PTPRD: variants seen among roughly 807,000 people sequenced by gnomAD.
The protein encoded by PTPRD is receptor-type tyrosine-protein phosphatase delta.
In PTPRD, 34 loss-of-function variants were observed where a neutral mutation model predicts 214.5. That is an observed-to-expected ratio of 0.16 (90% CI 0.12 to 0.21). The LOEUF (loss-of-function observed/expected upper bound fraction) is 0.21. Ranked by LOEUF, PTPRD falls within the 10% of genes least tolerant of loss-of-function variation. The pLI is 1.00. For missense variants in PTPRD, 2,545 were observed against 2,398.7 expected (o/e 1.06, Z -1.27); for synonymous variants, 1,128 against 845.7 (o/e 1.33, Z -5.79).
chr9:8,333,868 AG>A (rs1261048389), intron 43 of PTPRD, among the ~76,000 whole-genome samples: 49 of 152,150 alleles, frequency 3.2e-4, no homozygotes, highest in Admixed American at 3.2e-3. Context: ...AAAAAAGAGC[AG>A]GGGTTGCAAT....
rs534645367 is a variant in PTPRD at position 9,046,911 on chromosome 9, T to C, written c.-142-28176A>G. Among the ~76,000 whole-genome samples the C allele has an allele frequency of 1.4e-3, 210 of 152,276 alleles. 2 individuals are homozygous for C. Among genetic ancestry groups the C allele is most frequent in the African/African-American group, 5.0e-3 (207 of 41,578 alleles). ...TTACTCAACATAGCACTGGAAGTCT[T>C]AGCTAGAGCAATCAGACAAGAGAAA... On this transcript the variant is annotated intron_variant, in intron 10 of 45. Transcript: ENST00000381196.
chr9:10,196,547 GC>G (rs1200016204), intron 3 of PTPRD, among the ~76,000 whole-genome samples: 1 of 151,958 alleles, frequency 6.6e-6, no homozygotes, highest in Non-Finnish European at 1.5e-5. Flanking sequence ...AGAAAAGACA[GC>G]AAATGCTAAT....
rs572794507 is a variant in PTPRD, at chr9:9,513,410, G to T, written c.-237+61322C>A. 4.0e-5 allele frequency among the ~76,000 whole-genome samples: 6 copies of T among 151,722 alleles called. No homozygotes were observed. The South Asian group carries it at 1.0e-3, about 26-fold the overall frequency. Reference sequence around the variant, plus strand: ...ACTCAAACTATTTCAAAGAGAAAGGGGATGTTTTTACTCATGTGTATTTAA... The same window carrying T: ...ACTCAAACTATTTCAAAGAGAAAGGTGATGTTTTTACTCATGTGTATTTAA... On this transcript the variant is annotated intron_variant, in intron 8 of 45. Coordinates refer to ENST00000381196, the MANE Select transcript of PTPRD (RefSeq NM_002839.4).
At chr9:8,537,814 A>G (rs2077325247) in intron 14 of PTPRD, among the ~76,000 whole-genome samples, 1 of 152,054 alleles carries the variant, frequency 6.6e-6, no homozygotes, top group Non-Finnish European at 1.5e-5. Context: ...ATCATCCTAC[A>G]AATTACAAAG....
chr9:8,513,430 T>C (rs1478769582), intron 21 of PTPRD, among the ~76,000 whole-genome samples: 1 of 152,060 alleles, frequency 6.6e-6, no homozygotes, highest in African/African-American at 2.4e-5. Context: ...ACTGTTCTTT[T>C]GGAATCCGGT....
chr9:8,649,462 G>T (rs573800681), intron 12 of PTPRD, among the ~76,000 whole-genome samples: 2 of 152,324 alleles, frequency 1.3e-5, no homozygotes, highest in African/African-American at 4.8e-5. Flanking sequence ...GATACTTTGG[G>T]AAGTGAAAGT....
At chr9:10,288,889 A>T (rs2095443834) in intron 3 of PTPRD, among the ~76,000 whole-genome samples, 1 of 152,130 alleles carries the variant, frequency 6.6e-6, no homozygotes, top group East Asian at 1.9e-4. Flanking sequence ...ATTAGAGAGG[A>T]GTCTAACCTT....
At chr9:8,846,760 T>G (rs1318432795) in intron 11 of PTPRD, among the ~76,000 whole-genome samples, 1 of 152,026 alleles carries the variant, frequency 6.6e-6, no homozygotes, top group African/African-American at 2.4e-5. Flanking sequence ...AGAAAATGAA[T>G]ATGAGTATGG....
chr9:8,807,966 C>T (rs1444374750), intron 11 of PTPRD, among the ~76,000 whole-genome samples: 1 of 152,148 alleles, frequency 6.6e-6, no homozygotes, highest in Admixed American at 6.5e-5. Flanking sequence ...TTAAGTTCTA[C>T]ATAAATTAGA....
chr9:9,042,784 G>C (rs1310316945), intron 10 of PTPRD, among the ~76,000 whole-genome samples: 1 of 151,982 alleles, frequency 6.6e-6, no homozygotes, highest in African/African-American at 2.4e-5. Context: ...TCCTTTGTAA[G>C]TAGGGCACAG....
chr9:10,372,275 T>C (rs10809079), intron 2 of PTPRD, among the ~76,000 whole-genome samples: 17,364 of 152,152 alleles, frequency 0.11, 1,910 homozygotes, highest in East Asian at 0.57. Flanking sequence ...TGATAAATTA[T>C]TCATATCAAT....
chr9:9,109,967 G>C (rs2099803797), intron 10 of PTPRD, among the ~76,000 whole-genome samples: 1 of 152,016 alleles, frequency 6.6e-6, no homozygotes. Flanking sequence ...ATATGAGGTA[G>C]ATCTGGGGGT....
chr9:9,745,032 G>C (rs780409971), intron 6 of PTPRD, among the ~76,000 whole-genome samples: 3 of 151,846 alleles, frequency 2.0e-5, no homozygotes, highest in African/African-American at 7.3e-5. Context: ...AAGTGATTTC[G>C]ATTGAAACAT....
intron 3 of PTPRD, among the ~76,000 whole-genome samples, chr9:10,145,418 A>C (rs2099015505): frequency 6.6e-6 from 1 of 152,194 alleles, no homozygotes; most frequent in Admixed American, 6.6e-5. Flanking sequence ...AAGAGAAAGA[A>C]GACTTTTATG....
In PTPRD at chr9:8,996,996, T is replaced by A. The variant is rs191896264; in HGVS notation, c.-104+21701A>T. ...TTTATGTATGTAACTTACACCTCAA[T>A]GAACCTGACTAAAAATAGGTTTAAA... On this transcript the variant is annotated intron_variant, in intron 11 of 45. Coordinates refer to ENST00000381196, the MANE Select transcript of PTPRD (RefSeq NM_002839.4). Among the ~76,000 whole-genome samples, 387 of 152,244 alleles carry A rather than the reference T, an allele frequency of 2.5e-3. 1 individual carries two copies. Among genetic ancestry groups the A allele is most frequent in the African/African-American group, 8.3e-3 (345 of 41,562 alleles).
rs577169582 is a variant in PTPRD at position 10,400,640 on chromosome 9, T to TA, written c.-599-59624dup. ...AATTTAGCAAGTTTGAAAGGATTAG[T>TA]AAAAAATTCCTTGAACTAAAATGTC... On this transcript the variant is annotated intron_variant, in intron 2 of 45. Coordinates refer to ENST00000381196, the MANE Select transcript of PTPRD (RefSeq NM_002839.4). 7.9e-5 allele frequency among the ~76,000 whole-genome samples: 12 copies of TA among 151,714 alleles called. No homozygotes were observed. In the South Asian group the frequency reaches 2.3e-3, roughly 29 times the overall value.
chr9:10,230,535 G>C (rs1202965151), intron 3 of PTPRD, among the ~76,000 whole-genome samples: 1 of 151,636 alleles, frequency 6.6e-6, no homozygotes, highest in East Asian at 2.0e-4. Flanking sequence ...CTGAGATCAG[G>C]GAAATGTATT....
intron 11 of PTPRD, among the ~76,000 whole-genome samples, chr9:8,929,365 C>T (rs1055819622): frequency 3.3e-5 from 5 of 152,042 alleles, no homozygotes; most frequent in African/African-American, 1.2e-4. Flanking sequence ...TACATTCCAT[C>T]AATACCTAGT....
intron 5 of PTPRD, among the ~76,000 whole-genome samples, chr9:9,804,121 A>C (rs573130983): frequency 6.6e-6 from 1 of 152,228 alleles, no homozygotes; most frequent in South Asian, 2.1e-4. Flanking sequence ...TTCTAACCTC[A>C]AGAAAAACTA....
Sources: gnomAD v4.1 joint callset for allele counts (sites outside exome capture counted in the v4.1 genomes callset) on GRCh38, gnomAD v4.1.1 for gene constraint, MANE v1.5 for transcripts, NCBI Gene and HGNC (gene_info 2026-07-23, HGNC 2026-07-21) for gene names.